PFN2: variants seen among roughly 807,000 people sequenced by gnomAD.
PFN2 encodes the protein profilin-2.
A neutral mutation model predicts 15.3 loss-of-function variants in PFN2; 8 were observed. The ratio of observed to expected loss-of-function variants is 0.52; its 90% confidence interval spans 0.31 to 0.95. The LOEUF (loss-of-function observed/expected upper bound fraction) is 0.95. Ranked by LOEUF, PFN2 falls within the 40% of genes least tolerant of loss-of-function variation. The probability of loss-of-function intolerance (pLI) is 0.05; values close to 1 mark genes in which losing one functional copy is unlikely to be tolerated. For synonymous variants in PFN2, 79 were observed against 67.9 expected (o/e 1.16, Z -0.81); for missense variants, 111 against 182.3 (o/e 0.61, Z 2.25).
At position 149,965,390 on chromosome 3, in the gene PFN2, T is replaced by A. The variant is rs1396590101; in HGVS notation, c.*1099A>T. On this transcript the variant is annotated 3_prime_UTR_variant, in exon 3 of 3. Transcript: ENST00000239940. ...AGCCTTTTACAATTTTACTAAAGAG[T>A]AGAGCTGGTGTGCAAAGAAAAAGGA... is the stretch of plus-strand genomic sequence containing the variant. The A allele has an allele frequency of 6.8e-7, 1 of 1,470,458 alleles. No homozygotes were observed. Among genetic ancestry groups the A allele is most frequent in the Non-Finnish European group, 8.9e-7 (1 of 1,121,562 alleles). 91.1% of individuals were successfully genotyped at this position (1,470,458 alleles called of 1,614,324 possible).
chr3:149,969,092 A>G (rs1376061111), intron 1 of PFN2, among the ~76,000 whole-genome samples: 1 of 152,132 alleles, frequency 6.6e-6, no homozygotes, highest in Non-Finnish European at 1.5e-5. Context: ...ATGGACTTCA[A>G]CCCCTGGACA....
intron 1 of PFN2, among the ~76,000 whole-genome samples, chr3:149,969,311 CG>C (rs1166742577): frequency 1.3e-5 from 2 of 152,084 alleles, no homozygotes; most frequent in African/African-American, 4.8e-5. Context: ...CCACCAGAAC[CG>C]GAAAGGAGAA....
rs1013459355 is a variant in PFN2 at position 149,965,602 on chromosome 3, C to A, written c.*887G>T. On this transcript the variant is annotated 3_prime_UTR_variant, in exon 3 of 3. Transcript: ENST00000239940. ...CAACAACAATACTAAAAGCAAACTA[C>A]TGCAGCTCTCAATAGCTCATCAACA... 8.7e-7 allele frequency: 1 copy of A among 1,149,452 alleles called. No individual in the cohort carries two copies. Among genetic ancestry groups the A allele is most frequent in the African/African-American group, 1.6e-5 (1 of 61,786 alleles). 71.2% of individuals were successfully genotyped at this position (1,149,452 alleles called of 1,614,324 possible).
chr3:149,970,629 G>C lies in PFN2; in HGVS notation c.132+96C>G, dbSNP rs896636898. ...CGCTGCCTAGCACACCTGCGGGCTC[G>C]GCCCTCAGTGTTCCAGCCCCGCGCT... On this transcript the variant is annotated intron_variant, in intron 1 of 2. Coordinates refer to ENST00000239940, the MANE Select transcript of PFN2 (RefSeq NM_053024.4). The C allele has an allele frequency of 1.1e-5, 14 of 1,237,246 alleles. No homozygotes were observed. In the Admixed American group the frequency reaches 4.4e-4, roughly 38 times the overall value. 76.6% of individuals were successfully genotyped at this position (1,237,246 alleles called of 1,614,324 possible). A position where few individuals can be genotyped will look rare whatever the true frequency, so the allele number is the denominator to read the frequency against.
In PFN2 at chr3:149,970,774, G is replaced by T; in HGVS notation, c.83C>A (p.Ala28Asp). The T allele has an allele frequency of 6.6e-7, 1 of 1,517,832 alleles. No homozygotes were observed. Among genetic ancestry groups the T allele is most frequent in the Non-Finnish European group, 8.9e-7 (1 of 1,129,686 alleles). 94.0% of individuals were successfully genotyped at this position (1,517,832 alleles called of 1,614,324 possible). ...GGCCGTGGCTGCCCAGACGTATTTGGCGTCGCAGTAGCCGACAATGGCGGC... is the reference window on the plus strand; with the variant it reads ...GGCCGTGGCTGCCCAGACGTATTTGTCGTCGCAGTAGCCGACAATGGCGGC... ...QEAAIVGYCDAKYVWAATAGG... is the reference protein window; with the variant it reads ...QEAAIVGYCDDKYVWAATAGG... The change falls in exon 1 of 3, where the codon GCC becomes GAC. Residue 28 changes from alanine to aspartate, a missense_variant. By Grantham distance (126) the Ala-to-Asp change is moderately radical. This residue lies in a region of PFN2 where 64 missense variants were observed against 69.7 expected (regional missense o/e 0.92). Coordinates refer to ENST00000239940, the MANE Select transcript of PFN2 (RefSeq NM_053024.4).
Position 149,970,727 on chromosome 3 carries a change from T to C in PFN2, c.130A>G (p.Thr44Ala). The part of the protein sequence containing the change: ...ATAGGVFQSI[T>A]PIEIDMIVGK... ...TACCGGCCGCCACTGGTCCTCACCGTAATGCTCTGAAAGACGCCCCCGGCC... is the reference window on the plus strand; with the variant it reads ...TACCGGCCGCCACTGGTCCTCACCGCAATGCTCTGAAAGACGCCCCCGGCC... Residue 44 changes from threonine (T) to alanine (A), a missense_variant and splice_region_variant, in exon 1 of 3, where the codon ACG (threonine) becomes GCG (alanine). Around this residue, in one of 2 missense-constraint regions of PFN2, gnomAD observed 64 missense variants for 69.7 expected, o/e 0.92. Transcript: ENST00000239940. The C allele has an allele frequency of 6.6e-7, 1 of 1,514,730 alleles. No individual in the cohort carries two copies. The highest frequency in any genetic ancestry group is 1.2e-5 in the South Asian group (1 of 81,824). The allele number at this position is 1,514,730 out of a possible 1,614,324, so 93.8% of individuals were successfully genotyped here.
In PFN2 at chr3:149,970,764, G is replaced by C; in HGVS notation, c.93C>G (p.Val31=). 1 of 1,519,620 alleles carries C rather than the reference G, an allele frequency of 6.6e-7. No individual in the cohort carries two copies. Among genetic ancestry groups the C allele is most frequent in the Non-Finnish European group, 8.8e-7 (1 of 1,130,496 alleles). The allele number at this position is 1,519,620 out of a possible 1,614,324, so 94.1% of individuals were successfully genotyped here. A position where few individuals can be genotyped will look rare whatever the true frequency, so the allele number is the denominator to read the frequency against. The stretch of plus-strand genomic sequence containing the variant: ...AGACGCCCCCGGCCGTGGCTGCCCA[G>C]ACGTATTTGGCGTCGCAGTAGCCGA... ...AIVGYCDAKY[V]WAATAGGVFQ... The change falls in exon 1 of 3, where the codon GTC becomes GTG. Residue 31 remains valine, a synonymous_variant. Transcript: ENST00000239940.
Position 149,968,535 on chromosome 3 carries a change from T to A in PFN2, c.148A>T (p.Met50Leu). ...FQSITPIEID[M>L]IVGKDREGFF... The stretch of plus-strand genomic sequence containing the variant: ...CCTTCCCGGTCTTTTCCTACAATCA[T>A]ATCTATTTCTATTGGCTGCCCCCCA... Residue 50 changes from methionine to leucine, a missense_variant, in exon 2 of 3, where the codon ATG (methionine) becomes TTG (leucine). Physicochemically the swap from Met to Leu is conservative, Grantham distance 15. This residue lies in a region of PFN2 where 64 missense variants were observed against 69.7 expected (regional missense o/e 0.92). Transcript: ENST00000239940. 1 of 1,606,370 alleles carries A rather than the reference T, an allele frequency of 6.2e-7. No homozygotes were observed. Among genetic ancestry groups the A allele is most frequent in the Non-Finnish European group, 8.5e-7 (1 of 1,178,068 alleles).
intron 1 of PFN2, 37 bp downstream of exon 1, chr3:149,970,688 T>C: frequency 6.8e-7 from 1 of 1,474,772 alleles, no homozygotes. Flanking sequence ...CCCGCTCCGG[T>C]GCAGGGACCA....
At chr3:149,970,526 T>A in intron 1 of PFN2, 199 bp downstream of exon 1, 1 of 406,226 alleles carries the variant, frequency 2.5e-6, no homozygotes, top group Non-Finnish European at 4.0e-6. Flanking sequence ...GCCCCCAGCC[T>A]GTCAGCGCAG....
chr3:149,967,520 C>G (rs1185509736), intron 2 of PFN2, among the ~76,000 whole-genome samples: 1 of 152,212 alleles, frequency 6.6e-6, no homozygotes, highest in Non-Finnish European at 1.5e-5. Context: ...AGCTTCAACT[C>G]CCCTCACATG....
chr3:149,968,176 G>A, intron 2 of PFN2, 182 bp downstream of exon 2: 1 of 501,768 alleles, frequency 2.0e-6, no homozygotes, highest in East Asian at 3.0e-5. Context: ...GATCTAAGAG[G>A]CCAGGTCATA....
rs1185665313 is a variant in PFN2, at chr3:149,970,742, C to T, written c.115G>A (p.Val39Ile). 1.2e-5 allele frequency: 19 copies of T among 1,520,590 alleles called. No individual in the cohort carries two copies. Among genetic ancestry groups the T allele is most frequent in the East Asian group, 2.7e-5 (1 of 37,402 alleles). 94.2% of individuals were successfully genotyped at this position (1,520,590 alleles called of 1,614,324 possible). The change falls in exon 1 of 3, where the codon GTC becomes ATC. Residue 39 changes from valine (V) to isoleucine (I), a missense_variant. Around this residue, in one of 2 missense-constraint regions of PFN2, gnomAD observed 64 missense variants for 69.7 expected, o/e 0.92. Transcript: ENST00000239940. ...KYVWAATAGG[V>I]FQSITPIEID... The stretch of plus-strand genomic sequence containing the variant: ...GTCCTCACCGTAATGCTCTGAAAGA[C>T]GCCCCCGGCCGTGGCTGCCCAGACG...
chr3:149,969,023 G>A (rs953823592), intron 1 of PFN2: 5 of 154,272 alleles, frequency 3.2e-5, no homozygotes, highest in African/African-American at 1.2e-4. Flanking sequence ...CCAAAATAAA[G>A]CCTGTTCTTT....
intron 2 of PFN2, 102 bp downstream of exon 2, chr3:149,968,256 T>TA: frequency 9.4e-7 from 1 of 1,058,256 alleles, no homozygotes; most frequent in East Asian, 2.4e-5. Flanking sequence ...AAAACCACCT[T>TA]AATAGCCATT....
At position 149,966,390 on chromosome 3, in the gene PFN2, C is replaced by A; in HGVS notation, c.*99G>T. 1 of 1,587,916 alleles carries A rather than the reference C, an allele frequency of 6.3e-7. No individual in the cohort carries two copies. Among genetic ancestry groups the A allele is most frequent in the Middle Eastern group, 1.7e-4 (1 of 5,888 alleles). On this transcript the variant is annotated 3_prime_UTR_variant, in exon 3 of 3. Transcript: ENST00000239940. ...GAGACACAGGTTCATACCCCATCAC[C>A]CTGCATTGCTAATAAAATTTCCAGA...
rs557338547 is a variant in PFN2 at position 149,966,309 on chromosome 3, TG to T, written c.*179del. ...AAAACAAAAGTGAACAGAATTATTT[TG>T]GGGGGGGAGGGCAGAAAGAAAGACA... On this transcript the variant is annotated 3_prime_UTR_variant, in exon 3 of 3. Coordinates refer to ENST00000239940, the MANE Select transcript of PFN2 (RefSeq NM_053024.4). 3.6e-3 allele frequency: 5,762 copies of T among 1,603,530 alleles called. 18 individuals carry two copies. The highest frequency in any genetic ancestry group is 4.5e-3 in the Non-Finnish European group (5,236 of 1,175,332).
At chr3:149,966,667 T>C in intron 2 of PFN2, 81 bp from the exon 3 acceptor site, 2 of 1,023,180 alleles carry the variant, frequency 2.0e-6, no homozygotes, top group South Asian at 2.7e-5. Context: ...AGAACCCGGA[T>C]TAATAAGTTA....
At chr3:149,966,731 A>G in intron 2 of PFN2, 145 bp from the exon 3 acceptor site, 1 of 667,648 alleles carries the variant, frequency 1.5e-6, no homozygotes, top group East Asian at 2.6e-5. Flanking sequence ...GTAGGTTTCC[A>G]AAAAGAACTT....
Sources: allele counts gnomAD v4.1 joint callset (sites outside exome capture counted in the v4.1 genomes callset), GRCh38; gene constraint gnomAD v4.1.1; regional missense constraint gnomAD v4.1.1; transcripts MANE v1.5; gene names NCBI Gene and HGNC (gene_info 2026-07-23, HGNC 2026-07-21).